KCNJ6: variants seen among roughly 807,000 people sequenced by gnomAD.
The protein encoded by KCNJ6 is G protein-activated inward rectifier potassium channel 2.
Under a neutral mutation model 34.2 loss-of-function variants are expected in KCNJ6, and 9 were observed. The ratio of observed to expected loss-of-function variants is 0.26; its 90% CI spans 0.16 to 0.46. The LOEUF (loss-of-function observed/expected upper bound fraction) is 0.46. Ranked by LOEUF, KCNJ6 falls within the 20% of genes least tolerant of loss-of-function variation. The pLI is 1.00. For missense variants in KCNJ6, 236 were observed against 531.3 expected (o/e 0.44, Z 5.46); for synonymous variants, 196 against 207.1 (o/e 0.95, Z 0.46).
chr21:37,793,545 CAAAAAAA>C (rs954872713), intron 2 of KCNJ6, among the ~76,000 whole-genome samples: 9 of 19,870 alleles, frequency 4.5e-4, no homozygotes, highest in Admixed American at 1.4e-3. Flanking sequence ...GACTCCATCT[CAAAAAAA>C]AAAAAAAAAA....
At chr21:37,874,650 C>A (rs1385259112) in intron 1 of KCNJ6, among the ~76,000 whole-genome samples, 1 of 152,140 alleles carries the variant, frequency 6.6e-6, no homozygotes, top group African/African-American at 2.4e-5. Context: ...TCAGCCACAC[C>A]CACGCCTACA....
intron 3 of KCNJ6, among the ~76,000 whole-genome samples, chr21:37,638,713 C>T (rs1053902130): frequency 6.6e-5 from 10 of 152,120 alleles, no homozygotes; most frequent in African/African-American, 2.2e-4. Flanking sequence ...TCCTGGCTAC[C>T]ATCTTCAGAA....
intron 3 of KCNJ6, among the ~76,000 whole-genome samples, chr21:37,630,450 T>C (rs2054329175): frequency 1.3e-5 from 2 of 152,282 alleles, no homozygotes; most frequent in South Asian, 4.1e-4. Context: ...AAGAGTGGAC[T>C]TGGGGAACTA....
At chr21:37,868,796 T>C (rs746970181) in intron 1 of KCNJ6, among the ~76,000 whole-genome samples, 6 of 151,976 alleles carry the variant, frequency 3.9e-5, no homozygotes, top group Middle Eastern at 6.8e-3. Flanking sequence ...AGGGCTGGGG[T>C]TGGGTGGAGA....
chr21:37,846,098 T>C (rs963755144), intron 1 of KCNJ6, among the ~76,000 whole-genome samples: 2 of 152,146 alleles, frequency 1.3e-5, no homozygotes, highest in South Asian at 4.1e-4. Flanking sequence ...TCAGGGGCAA[T>C]GGGCATTTAA....
chr21:37,830,344 C>A (rs2055419671), intron 2 of KCNJ6, among the ~76,000 whole-genome samples: 1 of 152,122 alleles, frequency 6.6e-6, no homozygotes, highest in African/African-American at 2.4e-5. Flanking sequence ...GCCATTACTG[C>A]AGAAGAATAA....
chr21:37,908,432 T>C (rs994428979), intron 1 of KCNJ6, among the ~76,000 whole-genome samples: 2 of 152,234 alleles, frequency 1.3e-5, no homozygotes, highest in African/African-American at 4.8e-5. Flanking sequence ...ACTTACAGCA[T>C]GTATCTAGCC....
chr21:37,764,226 G>A (rs898777914), intron 2 of KCNJ6, among the ~76,000 whole-genome samples: 7 of 152,132 alleles, frequency 4.6e-5, no homozygotes, highest in African/African-American at 1.7e-4. Flanking sequence ...AGAAGCAGCT[G>A]GTTTGAAGGG....
chr21:37,650,885 G>A (rs1217965706), intron 3 of KCNJ6, among the ~76,000 whole-genome samples: 4 of 152,112 alleles, frequency 2.6e-5, no homozygotes, highest in African/African-American at 7.2e-5. Context: ...TATACCATAA[G>A]CTCGATAAAT....
intron 1 of KCNJ6, among the ~76,000 whole-genome samples, chr21:37,893,276 C>T (rs187823512): frequency 7.2e-5 from 11 of 152,106 alleles, no homozygotes; most frequent in African/African-American, 7.2e-5. Context: ...GGTGTGATCG[C>T]GGATCACTGC....
At chr21:37,681,303 C>T (rs746298163) in intron 3 of KCNJ6, among the ~76,000 whole-genome samples, 9 of 152,206 alleles carry the variant, frequency 5.9e-5, no homozygotes, top group Non-Finnish European at 8.8e-5. Context: ...CAACTTGAAA[C>T]TCTCAAATTA....
intron 1 of KCNJ6, among the ~76,000 whole-genome samples, chr21:37,865,462 G>A (rs2055618184): frequency 6.6e-6 from 1 of 152,238 alleles, no homozygotes; most frequent in African/African-American, 2.4e-5. Flanking sequence ...GCTGGAGGGG[G>A]AGGCAGGGGC....
At chr21:37,630,955 T>G (rs936627946) in intron 3 of KCNJ6, among the ~76,000 whole-genome samples, 1 of 152,092 alleles carries the variant, frequency 6.6e-6, no homozygotes, top group South Asian at 2.1e-4. Context: ...TAATGTGTGG[T>G]CTCCTTTCCA....
chr21:37,655,720 C>T (rs1171250032), intron 3 of KCNJ6, among the ~76,000 whole-genome samples: 2 of 149,560 alleles, frequency 1.3e-5, no homozygotes, highest in Non-Finnish European at 2.9e-5. Context: ...TAGTGGTAAC[C>T]AGGGAGCTCT....
At chr21:37,698,368 T>C (rs1180155004) in intron 3 of KCNJ6, among the ~76,000 whole-genome samples, 1 of 152,234 alleles carries the variant, frequency 6.6e-6, no homozygotes, top group African/African-American at 2.4e-5. Flanking sequence ...GATGATGCGG[T>C]GCCCACTCGA....
chr21:37,705,565 C>CA (rs1445020923), intron 3 of KCNJ6, among the ~76,000 whole-genome samples: 1 of 152,096 alleles, frequency 6.6e-6, no homozygotes, highest in Non-Finnish European at 1.5e-5. Flanking sequence ...CCAGGCTCCA[C>CA]AGTGAAGGAT....
chr21:37,746,840 C>T (rs1005294362), intron 2 of KCNJ6, among the ~76,000 whole-genome samples: 1 of 152,206 alleles, frequency 6.6e-6, no homozygotes, highest in Non-Finnish European at 1.5e-5. Flanking sequence ...TGTCCTTTAT[C>T]CACTCTGACT....
intron 3 of KCNJ6, among the ~76,000 whole-genome samples, chr21:37,705,711 GT>G (rs1569448807): frequency 6.6e-6 from 1 of 152,212 alleles, no homozygotes; most frequent in East Asian, 1.9e-4. Flanking sequence ...TGGAGACAGA[GT>G]TTGAATTCAG....
intron 1 of KCNJ6, among the ~76,000 whole-genome samples, chr21:37,912,724 C>T (rs554332222): frequency 8.9e-4 from 136 of 152,306 alleles, no homozygotes; most frequent in African/African-American, 3.1e-3. Flanking sequence ...CATCCTTTTG[C>T]TTAGGTTTGA....
Sources: allele counts gnomAD v4.1 joint callset (sites outside exome capture counted in the v4.1 genomes callset), GRCh38; gene constraint gnomAD v4.1.1; transcripts MANE v1.5; gene names NCBI Gene and HGNC (gene_info 2026-07-23, HGNC 2026-07-21).